The following CAB39 variants were observed in gnomAD, a reference collection of about 807,000 sequenced individuals.
The protein encoded by CAB39 is calcium binding protein 39.
A neutral mutation model predicts 40.0 loss-of-function variants in CAB39; 8 were observed. The ratio of observed to expected loss-of-function variants is 0.20; its 90% CI spans 0.12 to 0.36. The LOEUF (loss-of-function observed/expected upper bound fraction) is 0.36, where lower values mean the gene tolerates loss of function less well. CAB39 is among the 10% of genes least tolerant of loss of function. CAB39 has a pLI of 1.00. For synonymous variants in CAB39, 156 were observed against 141.6 expected, an observed-to-expected ratio of 1.10 and a Z score of -0.72; for missense variants, 270 against 401.1, an observed-to-expected ratio of 0.67 and a Z score of 2.79.
At chr2:230,766,009 T>G (rs1695379877) in intron 2 of CAB39, among the ~76,000 whole-genome samples, 1 of 152,234 alleles carries the variant, frequency 6.6e-6, no homozygotes, top group African/African-American at 2.4e-5. Context: ...TGAAATAGTT[T>G]AAGACTAGGA....
At chr2:230,756,893 A>G (rs1695202500) in intron 1 of CAB39, among the ~76,000 whole-genome samples, 1 of 152,084 alleles carries the variant, frequency 6.6e-6, no homozygotes, top group Non-Finnish European at 1.5e-5. Flanking sequence ...GGGTTTCACC[A>G]TGTTGGTCAG....
At chr2:230,801,700 C>T (rs559049490) in intron 5 of CAB39, among the ~76,000 whole-genome samples, 3 of 151,882 alleles carry the variant, frequency 2.0e-5, no homozygotes, top group Non-Finnish European at 2.9e-5. Flanking sequence ...GATGAAACCC[C>T]GTCTCTACTG....
intron 4 of CAB39, among the ~76,000 whole-genome samples, chr2:230,796,113 C>CG (rs1695982008): frequency 6.6e-6 from 1 of 152,150 alleles, no homozygotes; most frequent in African/African-American, 2.4e-5. Context: ...GACCATCTTG[C>CG]TCATTTTGTA....
intron 2 of CAB39, among the ~76,000 whole-genome samples, chr2:230,761,888 T>TTTTTTGTTG (rs149808907): frequency 8.7e-4 from 130 of 149,958 alleles, no homozygotes; most frequent in African/African-American, 2.6e-3. Context: ...TTGTTTTTTA[T>TTTTTTGTTG]TTGTTGTTGT....
chr2:230,781,885 AAC>A (rs1229198876), intron 2 of CAB39, among the ~76,000 whole-genome samples: 1 of 152,162 alleles, frequency 6.6e-6, no homozygotes, highest in Non-Finnish European at 1.5e-5. Flanking sequence ...TCCTTCTTGA[AAC>A]ACAGTCTCGC....
intron 5 of CAB39, chr2:230,799,103 A>AAT (rs1309239052): frequency 4.3e-6 from 2 of 468,464 alleles, no homozygotes; most frequent in African/African-American, 3.9e-5. Context: ...AAGTCTATCT[A>AAT]AAAGACAAAA....
chr2:230,786,163 CAAAAAAAAAAAA>C (rs369510604), intron 2 of CAB39, among the ~76,000 whole-genome samples: 14,440 of 72,822 alleles, frequency 0.2, 1,062 homozygotes, highest in Non-Finnish European at 0.28. Flanking sequence ...GACTCTGTCT[CAAAAAAAAAAAA>C]AAAAAAAAAA....
At chr2:230,725,447 C>T (rs1394546714) in intron 1 of CAB39, 5 of 1,498,356 alleles carry the variant, frequency 3.3e-6, no homozygotes, top group Non-Finnish European at 9.2e-7. Flanking sequence ...GTAACGGTTC[C>T]TCCCGCCACC....
At chr2:230,815,419 G>C (rs1321327282) in intron 7 of CAB39, among the ~76,000 whole-genome samples, 1 of 152,198 alleles carries the variant, frequency 6.6e-6, no homozygotes, top group South Asian at 2.1e-4. Flanking sequence ...AGAGAGTGGA[G>C]GTTCCTGGGG....
At chr2:230,764,592 C>T (rs560124750) in intron 2 of CAB39, among the ~76,000 whole-genome samples, 1 of 152,284 alleles carries the variant, frequency 6.6e-6, no homozygotes, top group South Asian at 2.1e-4. Context: ...CACCACTGAT[C>T]TCATTAGAAG....
intron 2 of CAB39, among the ~76,000 whole-genome samples, chr2:230,782,756 C>T (rs559974567): frequency 6.6e-6 from 1 of 151,140 alleles, no homozygotes; most frequent in African/African-American, 2.4e-5. Flanking sequence ...TCCAACACCG[C>T]AAGTATTTCC....
chr2:230,733,782 A>G (rs1316873944), intron 1 of CAB39, among the ~76,000 whole-genome samples: 1 of 152,220 alleles, frequency 6.6e-6, no homozygotes, highest in Non-Finnish European at 1.5e-5. Flanking sequence ...GTTTTAGAGC[A>G]AATGTTTCCA....
rs761851045 is a variant in CAB39 at position 230,759,953 on chromosome 2, T to G, written c.-43-6T>G. ...TTGCTCACATGAACCTTGTGCTGTGTTCTAGGTAGCACAGGCGGAGTGCAG... is the reference window on the plus strand; with the variant it reads ...TTGCTCACATGAACCTTGTGCTGTGGTCTAGGTAGCACAGGCGGAGTGCAG... On this transcript the variant is annotated splice_region_variant and splice_polypyrimidine_tract_variant and intron_variant, in intron 1 of 8. Transcript: ENST00000258418. The G allele has an allele frequency of 2.0e-6, 2 of 986,328 alleles. No homozygotes were observed. The highest frequency in any genetic ancestry group is 3.5e-5 in the Admixed American group (2 of 57,640). 61.1% of individuals were successfully genotyped at this position (986,328 alleles called of 1,614,324 possible).
chr2:230,803,997 T>A (rs1365420260), intron 5 of CAB39, among the ~76,000 whole-genome samples: 1 of 152,150 alleles, frequency 6.6e-6, no homozygotes, highest in Non-Finnish European at 1.5e-5. Context: ...GACTTCAAAC[T>A]CTACTACAAG....
intron 7 of CAB39, among the ~76,000 whole-genome samples, chr2:230,814,509 G>A (rs11677348): frequency 0.36 from 54,418 of 152,016 alleles, 13,593 homozygotes; most frequent in African/African-American, 0.71. Flanking sequence ...GCTGTGGACC[G>A]TAGACAGGCT....
rs1696451211 is a variant in CAB39, at chr2:230,818,808, T to C, written c.*104T>C. 12 of 909,644 alleles carry C rather than the reference T, an allele frequency of 1.3e-5. No homozygotes were observed. Among genetic ancestry groups the C allele is most frequent in the Non-Finnish European group, 2.0e-5 (12 of 595,332 alleles). 56.3% of individuals were successfully genotyped at this position (909,644 alleles called of 1,614,324 possible). ...ATGAGGAACATTACTGCTAATCTGCTGTTAAGTGAACGGTTTTTCATTTTA... is the reference window on the plus strand; with the variant it reads ...ATGAGGAACATTACTGCTAATCTGCCGTTAAGTGAACGGTTTTTCATTTTA... On this transcript the variant is annotated 3_prime_UTR_variant, in exon 9 of 9. Transcript: ENST00000258418.
At chr2:230,761,193 C>T (rs1328531505) in intron 2 of CAB39, among the ~76,000 whole-genome samples, 1 of 151,714 alleles carries the variant, frequency 6.6e-6, no homozygotes, top group African/African-American at 2.4e-5. Context: ...TAATTTTATA[C>T]AATATTTTAA....
At chr2:230,807,636 C>T (rs1343231278) in intron 5 of CAB39, among the ~76,000 whole-genome samples, 2 of 152,156 alleles carry the variant, frequency 1.3e-5, no homozygotes, top group East Asian at 3.8e-4. Context: ...AGAGGTCCCC[C>T]TTTGTGTGGC....
At chr2:230,815,463 G>A (rs1183198703) in intron 7 of CAB39, among the ~76,000 whole-genome samples, 1 of 152,186 alleles carries the variant, frequency 6.6e-6, no homozygotes, top group African/African-American at 2.4e-5. Context: ...AAGGGCTGAG[G>A]TATACTACTC....
Sources: gnomAD v4.1 joint callset for allele counts (sites outside exome capture counted in the v4.1 genomes callset) on GRCh38, gnomAD v4.1.1 for gene constraint, MANE v1.5 for transcripts, NCBI Gene and HGNC (gene_info 2026-07-23, HGNC 2026-07-21) for gene names.